Variants in NRXN3 observed in about 807,000 individuals in gnomAD.
The protein encoded by NRXN3 is neurexin 3.
In NRXN3, 32 loss-of-function variants were observed where a neutral mutation model predicts 137.6. That is an observed-to-expected ratio of 0.23 (90% confidence interval 0.18 to 0.31). NRXN3 has a LOEUF of 0.31. Ranked by LOEUF, NRXN3 falls within the 10% of genes least tolerant of loss-of-function variation. NRXN3 has a pLI of 1.00. For synonymous variants in NRXN3, 798 were observed against 784.5 expected, an observed-to-expected ratio of 1.02 and a Z score of -0.29; for missense variants, 1,574 against 2,062.5, an observed-to-expected ratio of 0.76 and a Z score of 4.59.
intron 6 of NRXN3, among the ~76,000 whole-genome samples, chr14:78,654,169 C>A (rs78757292): frequency 2.6e-5 from 4 of 152,190 alleles, no homozygotes; most frequent in Admixed American, 2.0e-4. Context: ...AGATACTTCT[C>A]TTGTTCTTGG....
At chr14:78,894,025 A>G (rs2099166659) in intron 10 of NRXN3, among the ~76,000 whole-genome samples, 1 of 151,942 alleles carries the variant, frequency 6.6e-6, no homozygotes, top group Non-Finnish European at 1.5e-5. Flanking sequence ...AGTGGGTCAT[A>G]ATCTTCTTAC....
chr14:79,038,650 GC>G (rs1437506727), intron 15 of NRXN3, among the ~76,000 whole-genome samples: 2 of 151,944 alleles, frequency 1.3e-5, no homozygotes, highest in African/African-American at 4.8e-5. Flanking sequence ...TTCTTGTTGG[GC>G]ATGAATGACT....
intron 4 of NRXN3, among the ~76,000 whole-genome samples, chr14:78,425,544 G>A (rs1170582342): frequency 6.6e-6 from 1 of 152,144 alleles, no homozygotes; most frequent in Admixed American, 6.5e-5. Flanking sequence ...CTGGCTCACA[G>A]GCCAGCAGGG....
chr14:79,629,818 TGTGTGTGCGTGTGTGTGTGTGTGTGC>T (rs1365103497), intron 16 of NRXN3, among the ~76,000 whole-genome samples: 3 of 73,090 alleles, frequency 4.1e-5, no homozygotes, highest in Admixed American at 3.2e-4. Context: ...TATGTGCGTG[TGTGTGTGCGTGTGTGTGTGTGTGTGC>T]GTGTGTGTGT....
intron 4 of NRXN3, among the ~76,000 whole-genome samples, chr14:78,545,193 A>G (rs1417042479): frequency 6.6e-6 from 1 of 152,170 alleles, no homozygotes; most frequent in African/African-American, 2.4e-5. Flanking sequence ...AATAGGGTGC[A>G]TTGCTAACTG....
At chr14:79,724,743 A>G (rs572035852) in intron 19 of NRXN3, among the ~76,000 whole-genome samples, 4 of 152,316 alleles carry the variant, frequency 2.6e-5, no homozygotes, top group East Asian at 3.9e-4. Flanking sequence ...GCTACACAGT[A>G]TATGGTACTT....
At chr14:79,482,517 C>CA (rs1316976347) in intron 16 of NRXN3, among the ~76,000 whole-genome samples, 6 of 151,954 alleles carry the variant, frequency 3.9e-5, no homozygotes, top group South Asian at 2.1e-4. Flanking sequence ...AAGAAAATAA[C>CA]AAAAAAATAG....
intron 4 of NRXN3, among the ~76,000 whole-genome samples, chr14:78,400,522 C>T (rs374194855): frequency 1.3e-5 from 2 of 152,128 alleles, no homozygotes; most frequent in South Asian, 4.2e-4. Flanking sequence ...CTAAAAGGTA[C>T]CGCAAAAATA....
intron 2 of NRXN3, among the ~76,000 whole-genome samples, chr14:78,259,087 G>A (rs890532841): frequency 2.7e-5 from 4 of 149,714 alleles, no homozygotes; most frequent in Admixed American, 6.7e-5. Flanking sequence ...AGCCAAGATC[G>A]TGCTACTGCA....
At chr14:78,493,351 G>A (rs1005518632) in intron 4 of NRXN3, among the ~76,000 whole-genome samples, 1 of 134,426 alleles carries the variant, frequency 7.4e-6, no homozygotes, top group East Asian at 2.3e-4. Context: ...GTGAAACCCT[G>A]TCTCTATTAA....
chr14:78,442,857 A>G (rs961919981), intron 4 of NRXN3, among the ~76,000 whole-genome samples: 2 of 152,326 alleles, frequency 1.3e-5, no homozygotes, highest in African/African-American at 4.8e-5. Context: ...TATAATACCA[A>G]TAAGAGCAAT....
intron 2 of NRXN3, among the ~76,000 whole-genome samples, chr14:78,267,955 T>C (rs1000823950): frequency 4.6e-5 from 7 of 152,156 alleles, no homozygotes; most frequent in African/African-American, 1.4e-4. Context: ...CTATTTTGAA[T>C]AGAACCAGAC....
At chr14:78,818,283 G>T (rs1053445233) in intron 10 of NRXN3, among the ~76,000 whole-genome samples, 19 of 152,174 alleles carry the variant, frequency 1.2e-4, no homozygotes, top group African/African-American at 4.3e-4. Context: ...TGATTTTTAT[G>T]ACTTGAAGCT....
chr14:79,292,069 T>C (rs900427841), intron 15 of NRXN3, among the ~76,000 whole-genome samples: 2 of 152,194 alleles, frequency 1.3e-5, no homozygotes, highest in African/African-American at 2.4e-5. Flanking sequence ...TTCTTCCACT[T>C]ACTAAGCAGT....
chr14:79,808,251 A>ATAT lies in NRXN3; in HGVS notation c.4093+3061_4093+3062insTAT, dbSNP rs1195356128. Among the ~76,000 whole-genome samples, 476 of 133,700 alleles carry ATAT rather than the reference A, an allele frequency of 3.6e-3. 1 individual carries two copies. The highest frequency in any genetic ancestry group is 0.014 in the African/African-American group (426 of 31,162). 87.7% of individuals were successfully genotyped at this position (133,700 alleles called of 152,430 possible). ...GACTCTCTCTCAATTAAAAAAAAAA[A>ATAT]AAAAATATATATATATATATATATG... On this transcript the variant is annotated intron_variant, in intron 20 of 20. Transcript: ENST00000335750.
intron 16 of NRXN3, among the ~76,000 whole-genome samples, chr14:79,622,885 C>G (rs113570329): frequency 6.6e-6 from 1 of 152,120 alleles, no homozygotes; most frequent in Non-Finnish European, 1.5e-5. Flanking sequence ...CGTGAGCCAC[C>G]GCACCCGGCC....
chr14:79,236,856 G>T (rs1209417230), intron 15 of NRXN3, among the ~76,000 whole-genome samples: 1 of 152,126 alleles, frequency 6.6e-6, no homozygotes, highest in Non-Finnish European at 1.5e-5. Flanking sequence ...CAAGGCTGCA[G>T]TGAACCAGAT....
intron 4 of NRXN3, among the ~76,000 whole-genome samples, chr14:78,359,112 A>C (rs559794373): frequency 1.3e-5 from 2 of 152,272 alleles, no homozygotes; most frequent in African/African-American, 4.8e-5. Context: ...TAGGGCCATT[A>C]TATATTTTTT....
chr14:79,008,598 TG>T (rs956671615), intron 15 of NRXN3, among the ~76,000 whole-genome samples: 1 of 151,994 alleles, frequency 6.6e-6, no homozygotes, highest in Non-Finnish European at 1.5e-5. Flanking sequence ...ATAAAATTCC[TG>T]GGGTTGACAT....
Sources: allele counts gnomAD v4.1 joint callset (sites outside exome capture counted in the v4.1 genomes callset), GRCh38; gene constraint gnomAD v4.1.1; transcripts MANE v1.5; gene names NCBI Gene and HGNC (gene_info 2026-07-23, HGNC 2026-07-21).